Variants in AOPEP observed in about 807,000 individuals in gnomAD.
AOPEP encodes the protein aminopeptidase O (putative).
AOPEP carries 77 observed loss-of-function variants against 98.1 expected under a neutral mutation model. The ratio of observed to expected loss-of-function variants is 0.78; its 90% CI spans 0.65 to 0.95. The LOEUF is 0.95. AOPEP is among the 40% of genes least tolerant of loss of function. AOPEP has a pLI of 0.00. For missense variants in AOPEP, 1,024 were observed against 1,024.7 expected (o/e 1.00, Z 0.01); for synonymous variants, 346 against 365.3 (o/e 0.95, Z 0.60).
At chr9:94,891,464 G>A (rs764223465) in intron 5 of AOPEP, among the ~76,000 whole-genome samples, 2 of 151,926 alleles carry the variant, frequency 1.3e-5, no homozygotes, top group Non-Finnish European at 2.9e-5. Context: ...TGCTTGTTTT[G>A]TTATTCTTCT....
chr9:94,929,841 G>T (rs1326145341), intron 7 of AOPEP, among the ~76,000 whole-genome samples: 2 of 152,252 alleles, frequency 1.3e-5, no homozygotes, highest in Non-Finnish European at 2.9e-5. Flanking sequence ...CGGCGCATAA[G>T]GAGGTGGGGA....
At position 94,765,941 on chromosome 9, in the gene AOPEP, A is replaced by G. The variant is rs183824303; in HGVS notation, c.797+5361A>G. The stretch of plus-strand genomic sequence containing the variant: ...TTAAAATGACTGATGGAAGGAATAC[A>G]TATATAACAATCAGATACAATGTGC... On this transcript the variant is annotated intron_variant, in intron 2 of 16. Coordinates refer to ENST00000375315, the MANE Select transcript of AOPEP (RefSeq NM_001193329.3). Among the ~76,000 whole-genome samples, 192 of 152,306 alleles carry G rather than the reference A, an allele frequency of 1.3e-3. 1 individual carries two copies. Among genetic ancestry groups the G allele is most frequent in the Non-Finnish European group, 8.8e-4 (60 of 68,026 alleles).
chr9:95,101,998 A>G, the AOPEP span: 2 of 918,604 alleles, frequency 2.2e-6, no homozygotes, highest in Non-Finnish European at 3.4e-6. Context: ...CAGGGGCTCT[A>G]GTTTGCAAGG....
At chr9:94,836,407 T>C (rs1017603477) in intron 5 of AOPEP, among the ~76,000 whole-genome samples, 4 of 152,238 alleles carry the variant, frequency 2.6e-5, no homozygotes, top group Admixed American at 6.5e-5. Flanking sequence ...ATTTTAGTCA[T>C]TCTATTAGGT....
intron 5 of AOPEP, chr9:94,904,071 C>G (rs947145786): frequency 2.0e-5 from 3 of 151,904 alleles, no homozygotes; most frequent in African/African-American, 7.3e-5. Context: ...CTCAATTTTG[C>G]CTTCCTTTCA....
intron 8 of AOPEP, 77 bp from the exon 9 acceptor site, chr9:94,955,831 G>C (rs796379906): frequency 3.2e-6 from 3 of 952,108 alleles, no homozygotes; most frequent in African/African-American, 3.3e-5. Context: ...TATGGGTTAG[G>C]TAGGGCTGAC....
At chr9:95,058,894 T>A (rs2067071117) in intron 13 of AOPEP, among the ~76,000 whole-genome samples, 1 of 152,022 alleles carries the variant, frequency 6.6e-6, no homozygotes, top group Non-Finnish European at 1.5e-5. Flanking sequence ...CACAGGAGGC[T>A]GAAGGGTGAG....
chr9:94,736,399 T>G (rs2131817398), intron 1 of AOPEP, among the ~76,000 whole-genome samples: 1 of 152,358 alleles, frequency 6.6e-6, no homozygotes, highest in South Asian at 2.1e-4. Context: ...AATAGTATTC[T>G]TTAGCATTTC....
intron 11 of AOPEP, chr9:95,004,358 T>TG: frequency 2.2e-6 from 1 of 450,628 alleles, no homozygotes; most frequent in South Asian, 1.6e-5. Context: ...CCAGTGGTTC[T>TG]GGGGGTCCAC....
intron 4 of AOPEP, among the ~76,000 whole-genome samples, chr9:94,797,802 A>T (rs1242434109): frequency 6.6e-6 from 1 of 151,252 alleles, no homozygotes; most frequent in Non-Finnish European, 1.5e-5. Context: ...TCCCAGGTTC[A>T]AGTGATTCTC....
chr9:94,884,749 C>T (rs938895932), intron 5 of AOPEP, among the ~76,000 whole-genome samples: 10 of 152,026 alleles, frequency 6.6e-5, no homozygotes, highest in Non-Finnish European at 1.3e-4. Context: ...CGGTGGCTCA[C>T]GCCTGTAATC....
chr9:94,812,857 G>A (rs992971334), intron 5 of AOPEP, among the ~76,000 whole-genome samples: 19 of 152,074 alleles, frequency 1.2e-4, no homozygotes, highest in African/African-American at 3.6e-4. Context: ...ATTGGGAAGG[G>A]GAGTCAGTGG....
At chr9:95,004,231 T>G (rs1378998818) in intron 11 of AOPEP, 1 of 456,492 alleles carries the variant, frequency 2.2e-6, no homozygotes. Context: ...CTGATGCGGA[T>G]GAGAAGGCCT....
At chr9:94,769,142 A>G (rs1840300283) in intron 2 of AOPEP, among the ~76,000 whole-genome samples, 1 of 152,170 alleles carries the variant, frequency 6.6e-6, no homozygotes, top group African/African-American at 2.4e-5. Context: ...GTATGATTTC[A>G]TGACTCTGGG....
At chr9:94,743,100 C>G (rs1833532759) in intron 1 of AOPEP, among the ~76,000 whole-genome samples, 1 of 151,936 alleles carries the variant, frequency 6.6e-6, no homozygotes, top group Admixed American at 6.6e-5. Flanking sequence ...GCAGGCTGCT[C>G]TCTGTGGAGT....
At chr9:95,005,681 C>A in intron 13 of AOPEP, 65 bp downstream of exon 13, 1 of 1,274,972 alleles carries the variant, frequency 7.8e-7, no homozygotes, top group South Asian at 1.2e-5. Context: ...CCGTGAGGAC[C>A]TGGTCATGAC....
chr9:95,106,191 C>T, the AOPEP span, among the ~76,000 whole-genome samples: 1 of 152,036 alleles, frequency 6.6e-6, no homozygotes, highest in South Asian at 2.1e-4. Flanking sequence ...CTGCACTTTG[C>T]CTTTCCCTGA....
intron 1 of AOPEP, among the ~76,000 whole-genome samples, chr9:94,749,048 A>G (rs1473984730): frequency 6.6e-6 from 1 of 152,244 alleles, no homozygotes; most frequent in Non-Finnish European, 1.5e-5. Context: ...GGTAATATCT[A>G]CATCGATTTT....
At chr9:95,005,486 G>T (rs1052647925) in intron 12 of AOPEP, 56 bp from the exon 13 acceptor site, 3 of 1,499,204 alleles carry the variant, frequency 2.0e-6, no homozygotes, top group African/African-American at 2.7e-5. Context: ...CGCGCTGGGG[G>T]ATGGCCGTCA....
Sources: gnomAD v4.1 joint callset for allele counts (sites outside exome capture counted in the v4.1 genomes callset) on GRCh38, gnomAD v4.1.1 for gene constraint, MANE v1.5 for transcripts, NCBI Gene and HGNC (gene_info 2026-07-23, HGNC 2026-07-21) for gene names.